Variants in LAIR2 observed in about 807,000 individuals in gnomAD.
The protein encoded by LAIR2 is leukocyte associated immunoglobulin like receptor 2.
In LAIR2, 14 loss-of-function variants were observed where a neutral mutation model predicts 14.8. That is an observed-to-expected ratio of 0.95 (90% CI 0.62 to 1.48). The LOEUF (loss-of-function observed/expected upper bound fraction) is 1.48. Ranked by LOEUF, LAIR2 falls within the 40% of genes most tolerant of loss-of-function variation. LAIR2 has a pLI of 0.00. For missense variants in LAIR2, 172 were observed against 180.9 expected (o/e 0.95, Z 0.28); for synonymous variants, 75 against 74.5 (o/e 1.01, Z -0.03).
At chr19:54,504,827 CT>C (rs2085335024) in intron 2 of LAIR2, among the ~76,000 whole-genome samples, 1 of 152,166 alleles carries the variant, frequency 6.6e-6, no homozygotes, top group African/African-American at 2.4e-5. Context: ...CCAGGCTGGT[CT>C]TGAACTCCTG....
rs771313868 is a variant in LAIR2 at position 54,508,216 on chromosome 19, TCA to T, written c.364+33_364+34del. ...ACGTCACCTGGGCCCTGCCCCAGTCTCAGCTCGACCCTCGAGCTTGTCCCGAG... is the reference window on the plus strand; with the variant it reads ...ACGTCACCTGGGCCCTGCCCCAGTCTGCTCGACCCTCGAGCTTGTCCCGAG... On this transcript the variant is annotated intron_variant, in intron 3 of 4. Transcript: ENST00000301202. 19 of 1,588,334 alleles carry T rather than the reference TCA, an allele frequency of 1.2e-5. 1 individual carries two copies. In the South Asian group the frequency reaches 2.1e-4, roughly 17 times the overall value.
intron 2 of LAIR2, among the ~76,000 whole-genome samples, chr19:54,505,267 G>A (rs2085345051): frequency 1.3e-5 from 2 of 152,066 alleles, no homozygotes; most frequent in South Asian, 4.2e-4. Flanking sequence ...ACTTCACTCG[G>A]CAGCTTCTTG....
chr19:54,503,496 CT>C (rs1316125837), intron 1 of LAIR2, among the ~76,000 whole-genome samples: 1 of 152,072 alleles, frequency 6.6e-6, no homozygotes, highest in Non-Finnish European at 1.5e-5. Flanking sequence ...GAGCAGGAGC[CT>C]TTTTGGAAGA....
chr19:54,507,031 T>C (rs1000215794), intron 2 of LAIR2, among the ~76,000 whole-genome samples: 4 of 151,780 alleles, frequency 2.6e-5, no homozygotes, highest in African/African-American at 9.7e-5. Context: ...GTTGTACACC[T>C]TAAATACATG....
Position 54,510,678 on chromosome 19 carries a change from C to G in LAIR2, c.*109C>G. The G allele has an allele frequency of 7.7e-7, 1 of 1,301,844 alleles. No individual in the cohort carries two copies. The highest frequency in any genetic ancestry group is 1.1e-6 in the Non-Finnish European group (1 of 904,832). 80.6% of individuals were successfully genotyped at this position (1,301,844 alleles called of 1,614,324 possible). On this transcript the variant is annotated 3_prime_UTR_variant, in exon 5 of 5. Coordinates refer to ENST00000301202, the MANE Select transcript of LAIR2 (RefSeq NM_002288.6). Reference sequence around the variant, plus strand: ...ACATACATATACAAATAAAAAGATACGATTCGCAATGGAGAATTTCAGACC... The same window carrying G: ...ACATACATATACAAATAAAAAGATAGGATTCGCAATGGAGAATTTCAGACC...
chr19:54,505,051 A>G (rs552314268), intron 2 of LAIR2, among the ~76,000 whole-genome samples: 3 of 152,288 alleles, frequency 2.0e-5, no homozygotes, highest in East Asian at 3.9e-4. Context: ...ATAATATTCC[A>G]TTGCATATAT....
chr19:54,503,744 T>A lies in LAIR2; in HGVS notation c.70+9T>A. 1 of 1,614,070 alleles carries A rather than the reference T, an allele frequency of 6.2e-7. No homozygotes were observed. The highest frequency in any genetic ancestry group is 8.5e-7 in the Non-Finnish European group (1 of 1,180,024). On this transcript the variant is annotated intron_variant, in intron 2 of 4. Transcript: ENST00000301202. ...CATCCACACGCAGGAGGGTAAGTCA[T>A]GCCTTCGTCCCGTCTTCCCAGTCCC... is the stretch of plus-strand genomic sequence containing the variant.
chr19:54,506,282 G>A (rs1356944262), intron 2 of LAIR2, among the ~76,000 whole-genome samples: 4 of 152,134 alleles, frequency 2.6e-5, no homozygotes, highest in South Asian at 4.2e-4. Flanking sequence ...TCATTTTTTT[G>A]TGGTGAGAAC....
At chr19:54,508,326 TC>T in intron 3 of LAIR2, 142 bp downstream of exon 3, 4 of 704,486 alleles carry the variant, frequency 5.7e-6, no homozygotes, top group Non-Finnish European at 9.3e-6. Context: ...CCCCTCCCCT[TC>T]TTCCTCTGCA....
At chr19:54,509,939 C>T (rs2085439543) in intron 4 of LAIR2, among the ~76,000 whole-genome samples, 1 of 144,494 alleles carries the variant, frequency 6.9e-6, no homozygotes, top group Non-Finnish European at 1.5e-5. Flanking sequence ...CCCCAGAGTA[C>T]GTCCTTGGAC....
chr19:54,503,885 C>G, intron 2 of LAIR2, 150 bp downstream of exon 2: 1 of 924,832 alleles, frequency 1.1e-6, no homozygotes, highest in Non-Finnish European at 1.7e-6. Flanking sequence ...AAATGCATAA[C>G]CCTCACCCCT....
At chr19:54,506,250 G>A (rs1282974012) in intron 2 of LAIR2, among the ~76,000 whole-genome samples, 3 of 152,146 alleles carry the variant, frequency 2.0e-5, no homozygotes, top group Non-Finnish European at 4.4e-5. Flanking sequence ...GCTAGGCAAC[G>A]TAGGCATTCC....
At chr19:54,504,976 A>C (rs561084476) in intron 2 of LAIR2, among the ~76,000 whole-genome samples, 2 of 152,338 alleles carry the variant, frequency 1.3e-5, no homozygotes, top group East Asian at 3.9e-4. Context: ...TTCACTTAGC[A>C]TAATGTCCTC....
rs192089901 is a variant in LAIR2 at position 54,508,475 on chromosome 19, G to A, written c.364+291G>A. On this transcript the variant is annotated intron_variant, in intron 3 of 4. Coordinates refer to ENST00000301202, the MANE Select transcript of LAIR2 (RefSeq NM_002288.6). ...CTCTGCTTGGCTGGGTGGGGAGTGG[G>A]TTCCCAGAGATTAGGGGGCAACCCC... 2.5e-3 allele frequency among the ~76,000 whole-genome samples: 385 copies of A among 152,320 alleles called. 1 individual carries two copies. Among genetic ancestry groups the A allele is most frequent in the African/African-American group, 8.6e-3 (357 of 41,576 alleles).
chr19:54,505,790 C>T (rs370599128), intron 2 of LAIR2, among the ~76,000 whole-genome samples: 12 of 151,794 alleles, frequency 7.9e-5, no homozygotes, highest in African/African-American at 2.2e-4. Flanking sequence ...CTCCATATGC[C>T]GCTCAACATG....
intron 3 of LAIR2, among the ~76,000 whole-genome samples, chr19:54,508,490 G>T (rs2085410296): frequency 6.6e-6 from 1 of 152,172 alleles, no homozygotes; most frequent in Non-Finnish European, 1.5e-5. Flanking sequence ...CAGAGATTAG[G>T]GGGCAACCCC....
Position 54,502,860 on chromosome 19 carries a change from G to A in LAIR2, c.-59G>A. ...GCTGTGGAAGCCCCACGGGCAGGAG[G>A]CCCCCGGCCAGCACATCCTGTCTGC... On this transcript the variant is annotated 5_prime_UTR_variant, in exon 1 of 5. Transcript: ENST00000301202. The A allele has an allele frequency of 6.2e-7, 1 of 1,608,960 alleles. No homozygotes were observed.
At chr19:54,505,917 G>C (rs1307883822) in intron 2 of LAIR2, among the ~76,000 whole-genome samples, 1 of 151,360 alleles carries the variant, frequency 6.6e-6, no homozygotes, top group African/African-American at 2.4e-5. Flanking sequence ...TGCCTCCCTG[G>C]TTGAAGCAAT....
chr19:54,505,786 A>G (rs1296829495), intron 2 of LAIR2, among the ~76,000 whole-genome samples: 1 of 148,160 alleles, frequency 6.7e-6, no homozygotes, highest in East Asian at 2.0e-4. Flanking sequence ...AACACTCCAT[A>G]TGCCGCTCAA....
Sources: gnomAD v4.1 joint callset for allele counts (sites outside exome capture counted in the v4.1 genomes callset) on GRCh38, gnomAD v4.1.1 for gene constraint, MANE v1.5 for transcripts, NCBI Gene and HGNC (gene_info 2026-07-23, HGNC 2026-07-21) for gene names.